THADA: variants seen among roughly 807,000 people sequenced by gnomAD.
THADA encodes the protein tRNA (32-2'-O)-methyltransferase regulator THADA.
THADA carries 213 observed loss-of-function variants against 219.8 expected under a neutral mutation model. The observed-to-expected ratio is 0.97, with a 90% CI of 0.87 to 1.09. The LOEUF (loss-of-function observed/expected upper bound fraction) is 1.09. THADA is among the 50% of genes least tolerant of loss of function. The pLI, the probability that THADA is intolerant of heterozygous loss-of-function variation, is 0.00. For missense variants in THADA, 2,956 were observed against 2,311.3 expected, an observed-to-expected ratio of 1.28 and a Z score of -5.72; for synonymous variants, 1,018 against 828.9, an observed-to-expected ratio of 1.23 and a Z score of -3.92.
intron 29 of THADA, among the ~76,000 whole-genome samples, chr2:43,385,767 A>C (rs1415950575): frequency 6.6e-6 from 1 of 152,004 alleles, no homozygotes; most frequent in Non-Finnish European, 1.5e-5. Flanking sequence ...GTAAGATGTT[A>C]ATTATACTGA....
In THADA at chr2:43,389,073, G is replaced by A. The variant is rs1006068695; in HGVS notation, c.4227+8898C>T. ...CCGCATATTAACTCATTTAATCTTC[G>A]CAGCCACCCTATGAGGTCATTTTAT... On this transcript the variant is annotated intron_variant, in intron 29 of 37. Coordinates refer to ENST00000405975, the MANE Select transcript of THADA (RefSeq NM_022065.5). Among the ~76,000 whole-genome samples the A allele has an allele frequency of 5.9e-5, 9 of 152,106 alleles. No individual in the cohort carries two copies. In the South Asian group the frequency reaches 8.3e-4, roughly 14 times the overall value.
rs560802200 is a variant in THADA at position 43,592,226 on chromosome 2, T to G, written c.76+91A>C. Reference sequence around the variant, plus strand: ...AAACATAAGGAAAAATATAAAGAATTTGAATATTATATGCTAGGGGTCCCA... The same window carrying G: ...AAACATAAGGAAAAATATAAAGAATGTGAATATTATATGCTAGGGGTCCCA... On this transcript the variant is annotated intron_variant, in intron 2 of 37. Coordinates refer to ENST00000405975, the MANE Select transcript of THADA (RefSeq NM_022065.5). 8 of 1,072,294 alleles carry G rather than the reference T, an allele frequency of 7.5e-6. No individual in the cohort carries two copies. The Admixed American group carries it at 1.7e-4, about 23-fold the overall frequency. 66.4% of individuals were successfully genotyped at this position (1,072,294 alleles called of 1,614,324 possible). A position where few individuals can be genotyped will look rare whatever the true frequency, so the allele number is the denominator to read the frequency against.
chr2:43,520,064 G>A (rs367575387), intron 22 of THADA, among the ~76,000 whole-genome samples: 1 of 152,158 alleles, frequency 6.6e-6, no homozygotes, highest in Non-Finnish European at 1.5e-5. Context: ...TGTTTGTTTT[G>A]GTTCTTCATC....
At chr2:43,374,114 T>C (rs1241108897) in intron 29 of THADA, among the ~76,000 whole-genome samples, 1 of 152,230 alleles carries the variant, frequency 6.6e-6, no homozygotes, top group Non-Finnish European at 1.5e-5. Context: ...GTTTAAAAAG[T>C]TAAAATTTTT....
At chr2:43,529,688 G>A (rs1038132249) in intron 21 of THADA, among the ~76,000 whole-genome samples, 4 of 152,242 alleles carry the variant, frequency 2.6e-5, no homozygotes, top group African/African-American at 9.6e-5. Flanking sequence ...GCTATCTCTT[G>A]ATCCAGGTCT....
At chr2:43,356,913 C>T (rs1668928310) in intron 29 of THADA, among the ~76,000 whole-genome samples, 1 of 152,198 alleles carries the variant, frequency 6.6e-6, no homozygotes, top group African/African-American at 2.4e-5. Context: ...TCTCAGGGCA[C>T]TTGCTTTTTT....
At chr2:43,541,963 T>C (rs754999834) in intron 20 of THADA, among the ~76,000 whole-genome samples, 1 of 152,220 alleles carries the variant, frequency 6.6e-6, no homozygotes, top group Non-Finnish European at 1.5e-5. Flanking sequence ...TTGGTGAGCA[T>C]GACTGTTGCA....
intron 26 of THADA, among the ~76,000 whole-genome samples, chr2:43,458,805 T>C (rs1261443593): frequency 1.3e-5 from 2 of 152,208 alleles, no homozygotes; most frequent in Non-Finnish European, 1.5e-5. Context: ...TTGAGATTCC[T>C]AAAGGGGGAT....
chr2:43,501,630 A>G (rs1688987774), intron 24 of THADA, among the ~76,000 whole-genome samples: 1 of 152,174 alleles, frequency 6.6e-6, no homozygotes, highest in Admixed American at 6.5e-5. Context: ...CTAACTTTTT[A>G]TAAAGACATA....
intron 3 of THADA, 99 bp from the exon 4 acceptor site, chr2:43,591,053 G>C: frequency 8.7e-7 from 1 of 1,144,458 alleles, no homozygotes; most frequent in Non-Finnish European, 1.2e-6. Context: ...GGGTACAGTG[G>C]CTCACCCCTG....
chr2:43,261,421 G>A (rs1272331300), intron 36 of THADA, among the ~76,000 whole-genome samples: 6 of 149,524 alleles, frequency 4.0e-5, no homozygotes, highest in South Asian at 4.3e-4. Context: ...ATGGGGTTTC[G>A]CCATGTTGCC....
At chr2:43,285,974 T>A (rs1449799236) in intron 35 of THADA, among the ~76,000 whole-genome samples, 1 of 152,196 alleles carries the variant, frequency 6.6e-6, no homozygotes, top group East Asian at 1.9e-4. Flanking sequence ...CATTCTTGAA[T>A]TTTCCTCTAT....
At chr2:43,294,410 G>A (rs1414758114) in intron 31 of THADA, among the ~76,000 whole-genome samples, 1 of 152,206 alleles carries the variant, frequency 6.6e-6, no homozygotes, top group East Asian at 1.9e-4. Flanking sequence ...ACCAAAGGCA[G>A]GGGAACCAGC....
chr2:43,570,065 C>T (rs1699121797), intron 14 of THADA, among the ~76,000 whole-genome samples: 1 of 152,186 alleles, frequency 6.6e-6, no homozygotes, highest in South Asian at 2.1e-4. Context: ...CAGTCTTCTG[C>T]CCTGGAGAGG....
At chr2:43,561,988 C>G (rs888667560) in intron 15 of THADA, among the ~76,000 whole-genome samples, 2 of 152,090 alleles carry the variant, frequency 1.3e-5, no homozygotes, top group Non-Finnish European at 2.9e-5. Context: ...GCCTTTTCTG[C>G]AAAAATTGAG....
At chr2:43,460,332 G>C (rs1196269830) in intron 26 of THADA, among the ~76,000 whole-genome samples, 1 of 143,166 alleles carries the variant, frequency 7.0e-6, no homozygotes, top group African/African-American at 2.6e-5. Context: ...GTCAGCATAA[G>C]AAAGAGTTGG....
chr2:43,260,747 C>G (rs941516080), intron 36 of THADA, among the ~76,000 whole-genome samples: 1 of 151,996 alleles, frequency 6.6e-6, no homozygotes, highest in African/African-American at 2.4e-5. Flanking sequence ...AGAATGTGGC[C>G]TAGGAAGATT....
At chr2:43,364,016 G>T (rs1669823531) in intron 29 of THADA, among the ~76,000 whole-genome samples, 1 of 152,170 alleles carries the variant, frequency 6.6e-6, no homozygotes, top group African/African-American at 2.4e-5. Context: ...GAGCTCACAA[G>T]TTGGAGACCA....
chr2:43,395,738 AATAT>A (rs1262614164), intron 29 of THADA, among the ~76,000 whole-genome samples: 2 of 152,132 alleles, frequency 1.3e-5, no homozygotes, highest in Non-Finnish European at 2.9e-5. Flanking sequence ...CTCGTGTTTT[AATAT>A]TTTCTCAAGT....
Sources: gnomAD v4.1 joint callset for allele counts (sites outside exome capture counted in the v4.1 genomes callset) on GRCh38, gnomAD v4.1.1 for gene constraint, MANE v1.5 for transcripts, NCBI Gene and HGNC (gene_info 2026-07-23, HGNC 2026-07-21) for gene names.